HEATR1: variants seen among roughly 807,000 people sequenced by gnomAD.
The protein encoded by HEATR1 is HEAT repeat containing 1.
Under a neutral mutation model 248.2 loss-of-function variants are expected in HEATR1, and 77 were observed. The observed-to-expected ratio is 0.31, with a 90% CI of 0.26 to 0.37. The LOEUF (loss-of-function observed/expected upper bound fraction) is 0.37. Ranked by LOEUF, HEATR1 falls within the 10% of genes least tolerant of loss-of-function variation. The pLI, the probability that HEATR1 is intolerant of heterozygous loss-of-function variation, is 1.00. For missense variants in HEATR1, 2,420 were observed against 2,504.9 expected (o/e 0.97, Z 0.72); for synonymous variants, 897 against 923.1 (o/e 0.97, Z 0.51).
intron 16 of HEATR1, 87 bp from the exon 17 acceptor site, chr1:236,585,303 G>C (rs1411725600): frequency 4.7e-6 from 5 of 1,065,160 alleles, no homozygotes; most frequent in Admixed American, 2.5e-5. Flanking sequence ...GGTATTATGT[G>C]TTTTACATTT....
intron 41 of HEATR1, among the ~76,000 whole-genome samples, chr1:236,554,979 A>G (rs1056574068): frequency 6.6e-6 from 1 of 152,180 alleles, no homozygotes; most frequent in African/African-American, 2.4e-5. Context: ...AATTCCCTCA[A>G]CTGTCAAGTG....
rs751489308 is a variant in HEATR1 at position 236,604,013 on chromosome 1, G to A, written c.83C>T (p.Ser28Phe). 1.9e-6 allele frequency: 3 copies of A among 1,598,650 alleles called. No homozygotes were observed. Among genetic ancestry groups the A allele is most frequent in the South Asian group, 1.1e-5 (1 of 88,184 alleles). ...ASLLSRDEVA[S>F]LLFDPKEAAT... is the part of the protein sequence containing the mutation. ...CGCTTCCTTAGGGTCAAATAACAAA[G>A]AAGCAACTTCATCTCTAGATAAGAG... Residue 28 changes from serine to phenylalanine, a missense_variant, in exon 2 of 45, where the codon TCT (serine) becomes TTT (phenylalanine). Ser to Phe is a radical substitution (Grantham distance 155). Transcript: ENST00000366582.
Position 236,559,042 on chromosome 1 carries a change from G to C in HEATR1, c.4864C>G (p.Leu1622Val). 2 of 1,611,632 alleles carry C rather than the reference G, an allele frequency of 1.2e-6. No homozygotes were observed. Among genetic ancestry groups the C allele is most frequent in the Non-Finnish European group, 1.7e-6 (2 of 1,179,446 alleles). ...LPSVRRKALD[L>V]LNNKLQQNIS... ...TTTTGCTGCAGCTTGTTATTCAAAAGGTCCAGCGCTTTGCGGCGAACAGAT... is the reference window on the plus strand; with the variant it reads ...TTTTGCTGCAGCTTGTTATTCAAAACGTCCAGCGCTTTGCGGCGAACAGAT... The change falls in exon 35 of 45, where the codon CTT becomes GTT. Residue 1622 changes from leucine to valine, a missense_variant. Transcript: ENST00000366582.
rs1454472923 is a variant in HEATR1 at position 236,597,219 on chromosome 1, G to T, written c.604-243C>A. Among the ~76,000 whole-genome samples the T allele has an allele frequency of 5.3e-5, 8 of 150,038 alleles. No individual in the cohort carries two copies. In the East Asian group the frequency reaches 1.6e-3, roughly 29 times the overall value. ...ATACACAATGTGACAACAATTAACT[G>T]CCTAATGATATTCCTAACATTTTTA... On this transcript the variant is annotated intron_variant, in intron 5 of 44. Transcript: ENST00000366582.
chr1:236,595,829 A>G lies in HEATR1; in HGVS notation c.956+4T>C, dbSNP rs373383670. 1.4e-5 allele frequency: 23 copies of G among 1,610,226 alleles called. No homozygotes were observed. In the African/African-American group the frequency reaches 1.7e-4, roughly 12 times the overall value. The stretch of plus-strand genomic sequence containing the variant: ...GCACCATTTCTCAATTCAATTGTAC[A>G]TACTTTTTCCCAAGGCTCTCTGGCT... On this transcript the variant is annotated splice_donor_region_variant and intron_variant, in intron 7 of 44. Transcript: ENST00000366582.
chr1:236,590,238 G>GT (rs113697446), intron 12 of HEATR1, among the ~76,000 whole-genome samples: 9,531 of 151,058 alleles, frequency 0.063, 944 homozygotes, highest in African/African-American at 0.21. Flanking sequence ...AAATTTCTCG[G>GT]TTTTTTTTTG....
intron 32 of HEATR1, among the ~76,000 whole-genome samples, chr1:236,561,561 G>T (rs959393): frequency 0.64 from 97,925 of 151,980 alleles, 32,431 homozygotes; most frequent in Non-Finnish European, 0.72. Context: ...GACATGCTGA[G>T]CTGGTGAGCT....
At position 236,601,797 on chromosome 1, in the gene HEATR1, T is replaced by A. The variant is rs544422726; in HGVS notation, c.359+1363A>T. Among the ~76,000 whole-genome samples, 48 of 150,908 alleles carry A rather than the reference T, an allele frequency of 3.2e-4. 2 individuals carry two copies. The highest frequency in any genetic ancestry group is 3.4e-3 in the Middle Eastern group (1 of 294). ...GTGGGCCACGATCACACCACTGCAC[T>A]CCAGCCTGGGTGAGTGAAATCCTGA... On this transcript the variant is annotated intron_variant, in intron 3 of 44. Transcript: ENST00000366582.
rs532136042 is a variant in HEATR1, at chr1:236,554,119, T to C, written c.6079-380A>G. Among the ~76,000 whole-genome samples, 6 of 152,326 alleles carry C rather than the reference T, an allele frequency of 3.9e-5. No homozygotes were observed. In the South Asian group the frequency reaches 1.0e-3, roughly 26 times the overall value. On this transcript the variant is annotated intron_variant, in intron 42 of 44. Transcript: ENST00000366582. ...ATAAAAAATAACTCAGGGCCAGGCA[T>C]GGTGGCTCACGCCTGTAATCCCAGC... is the stretch of plus-strand genomic sequence containing the variant.
intron 29 of HEATR1, among the ~76,000 whole-genome samples, chr1:236,568,724 AC>A (rs1354332923): frequency 6.6e-6 from 1 of 152,160 alleles, no homozygotes; most frequent in Non-Finnish European, 1.5e-5. Flanking sequence ...TAAGACACTT[AC>A]AGTTACACAC....
chr1:236,557,167 G>A (rs56351858), intron 37 of HEATR1, 28 bp downstream of exon 37: 49,529 of 1,610,270 alleles, frequency 0.031, 928 homozygotes, highest in Middle Eastern at 0.067. Flanking sequence ...GCCACCCTGC[G>A]TAGCATGTCG....
chr1:236,590,652 T>C (rs998369205), intron 12 of HEATR1, among the ~76,000 whole-genome samples, 195 bp downstream of exon 12: 2 of 152,120 alleles, frequency 1.3e-5, no homozygotes, highest in Non-Finnish European at 2.9e-5. Context: ...ATAAAAGTAG[T>C]TGTTATTAGG....
At position 236,584,125 on chromosome 1, in the gene HEATR1, C is replaced by T. The variant is rs140437831; in HGVS notation, c.2241+900G>A. 4.1e-4 allele frequency among the ~76,000 whole-genome samples: 63 copies of T among 152,052 alleles called. No individual in the cohort carries two copies. The East Asian group carries it at 7.3e-3, about 18-fold the overall frequency. On this transcript the variant is annotated intron_variant, in intron 17 of 44. Transcript: ENST00000366582. Reference sequence around the variant, plus strand: ...GATTAACTCAACGTGCTGCTACAGGCGAAAACATGCTCATGACCTCGAGAA... The same window carrying T: ...GATTAACTCAACGTGCTGCTACAGGTGAAAACATGCTCATGACCTCGAGAA...
intron 20 of HEATR1, 92 bp from the exon 21 acceptor site, chr1:236,577,041 T>C (rs1572042736): frequency 8.1e-6 from 8 of 981,930 alleles, no homozygotes; most frequent in Non-Finnish European, 1.2e-5. Context: ...TGATAAAAAG[T>C]TTCCCTTCGA....
intron 43 of HEATR1, chr1:236,552,810 A>G (rs1382640351): frequency 6.6e-6 from 1 of 152,208 alleles, no homozygotes; most frequent in Admixed American, 6.5e-5. Context: ...ATTTGTAACT[A>G]CCTAGATTCA....
rs763007557 is a variant in HEATR1, at chr1:236,555,451, G to A, written c.5768C>T (p.Ala1923Val). The A allele has an allele frequency of 6.2e-7, 1 of 1,614,168 alleles. No homozygotes were observed. The highest frequency in any genetic ancestry group is 8.5e-7 in the Non-Finnish European group (1 of 1,180,026). ...RPLFFKLFDW[A>V]KTEDAPKDRL... Reference sequence around the variant, plus strand: ...GTCCTTTGGGGCATCTTCTGTTTTAGCCCAATCAAACAGCTGAAAGGATAA... The same window carrying A: ...GTCCTTTGGGGCATCTTCTGTTTTAACCCAATCAAACAGCTGAAAGGATAA... Residue 1923 changes from alanine (A) to valine (V), a missense_variant, in exon 41 of 45, where the codon GCT (alanine) becomes GTT (valine). Physicochemically the swap from Ala to Val is moderately conservative, Grantham distance 64. Transcript: ENST00000366582.
At position 236,566,062 on chromosome 1, in the gene HEATR1, A is replaced by G; in HGVS notation, c.4309-17T>C. ...AATAGCATCCTGTGTAGAAAAAGAAAAAGGTAACAAATCTGTACTTAGGAA... is the reference window on the plus strand; with the variant it reads ...AATAGCATCCTGTGTAGAAAAAGAAGAAGGTAACAAATCTGTACTTAGGAA... On this transcript the variant is annotated splice_polypyrimidine_tract_variant and intron_variant, in intron 30 of 44. Transcript: ENST00000366582. 6.2e-7 allele frequency: 1 copy of G among 1,609,232 alleles called. No individual in the cohort carries two copies. Among genetic ancestry groups the G allele is most frequent in the Non-Finnish European group, 8.5e-7 (1 of 1,178,286 alleles).
At chr1:236,562,314 A>G (rs1455884100) in intron 32 of HEATR1, among the ~76,000 whole-genome samples, 2 of 152,244 alleles carry the variant, frequency 1.3e-5, no homozygotes, top group African/African-American at 4.8e-5. Context: ...ATTTTAAAGG[A>G]ATTCTTTCCT....
chr1:236,558,586 T>C, intron 35 of HEATR1, 57 bp from the exon 36 acceptor site: 1 of 1,516,724 alleles, frequency 6.6e-7, no homozygotes, highest in Non-Finnish European at 9.0e-7. Context: ...TGTTTGTCCA[T>C]TTTCCCATTG....
Sources: allele counts gnomAD v4.1 joint callset (sites outside exome capture counted in the v4.1 genomes callset), GRCh38; gene constraint gnomAD v4.1.1; transcripts MANE v1.5; gene names NCBI Gene and HGNC (gene_info 2026-07-23, HGNC 2026-07-21).